PRKCE: variants seen among roughly 807,000 people sequenced by gnomAD.
The protein encoded by PRKCE is protein kinase C epsilon type.
A neutral mutation model predicts 85.4 loss-of-function variants in PRKCE; 16 were observed. The observed-to-expected ratio is 0.19, with a 90% confidence interval of 0.13 to 0.28. The LOEUF is 0.28. Among genes scored for constraint, PRKCE ranks in the 10% least tolerant of loss-of-function variants. PRKCE has a pLI of 1.00. For missense variants in PRKCE, 573 were observed against 975.2 expected (o/e 0.59, Z 5.49); for synonymous variants, 388 against 371.5 (o/e 1.04, Z -0.51).
chr2:45,887,250 C>T (rs1046570459), intron 2 of PRKCE, among the ~76,000 whole-genome samples: 4 of 152,236 alleles, frequency 2.6e-5, no homozygotes, highest in Admixed American at 2.0e-4. Context: ...CACAGTCAAC[C>T]GTGCAGAAGG....
chr2:45,994,846 T>C (rs1704092487), intron 6 of PRKCE, among the ~76,000 whole-genome samples: 1 of 152,220 alleles, frequency 6.6e-6, no homozygotes, highest in South Asian at 2.1e-4. Context: ...TATTTAGTTT[T>C]GTAAGAAACT....
intron 10 of PRKCE, among the ~76,000 whole-genome samples, chr2:46,054,414 C>A (rs949150408): frequency 2.0e-5 from 3 of 152,196 alleles, no homozygotes; most frequent in Non-Finnish European, 4.4e-5. Context: ...GGTCTCTTGA[C>A]ACCTCTACTA....
chr2:45,737,294 T>C (rs1682153348), intron 1 of PRKCE, among the ~76,000 whole-genome samples: 1 of 152,204 alleles, frequency 6.6e-6, no homozygotes, highest in Non-Finnish European at 1.5e-5. Context: ...TCTCATCTTC[T>C]GGATAAATCA....
intron 1 of PRKCE, among the ~76,000 whole-genome samples, chr2:45,787,396 A>G (rs1686693774): frequency 6.6e-6 from 1 of 152,204 alleles, no homozygotes; most frequent in South Asian, 2.1e-4. Context: ...TCTGAGCTGA[A>G]TAGCAGCTGA....
At chr2:46,022,433 C>T (rs141989838) in intron 10 of PRKCE, among the ~76,000 whole-genome samples, 107 of 152,186 alleles carry the variant, frequency 7.0e-4, no homozygotes, top group Middle Eastern at 6.8e-3. Context: ...AGTGAACAGT[C>T]CTTCTGTTTA....
chr2:45,880,293 A>T (rs1694784594), intron 2 of PRKCE, among the ~76,000 whole-genome samples: 1 of 152,180 alleles, frequency 6.6e-6, no homozygotes. Flanking sequence ...TTGATTCCAT[A>T]TCTTGGCCAT....
rs142348814 is a variant in PRKCE, at chr2:45,930,478, G to A, written c.413-45951G>A. On this transcript the variant is annotated intron_variant, in intron 2 of 14. Transcript: ENST00000306156. ...TGTCTCCAGAATCTGGCCCTCTCCAGTCACCACTGTGCCTCCCACTGGTGG... is the reference window on the plus strand; with the variant it reads ...TGTCTCCAGAATCTGGCCCTCTCCAATCACCACTGTGCCTCCCACTGGTGG... Among the ~76,000 whole-genome samples the A allele has an allele frequency of 3.7e-3, 563 of 152,304 alleles. 4 individuals are homozygous for A. The highest frequency in any genetic ancestry group is 0.012 in the African/African-American group (492 of 41,558).
intron 1 of PRKCE, among the ~76,000 whole-genome samples, chr2:45,714,434 C>G (rs895069150): frequency 2.6e-5 from 4 of 152,234 alleles, no homozygotes; most frequent in African/African-American, 9.6e-5. Flanking sequence ...ACTGCACTTG[C>G]AGAGGCCATG....
intron 1 of PRKCE, among the ~76,000 whole-genome samples, chr2:45,695,952 T>C (rs1443487290): frequency 2.6e-5 from 4 of 152,176 alleles, no homozygotes; most frequent in African/African-American, 9.6e-5. Flanking sequence ...ATTTTATTAT[T>C]ATTATACTTT....
At chr2:45,772,704 T>C (rs1685437368) in intron 1 of PRKCE, among the ~76,000 whole-genome samples, 1 of 152,088 alleles carries the variant, frequency 6.6e-6, no homozygotes, top group South Asian at 2.1e-4. Context: ...ATCTGCCACA[T>C]GCTCAGCACC....
chr2:46,157,120 C>T (rs2104564672), intron 13 of PRKCE, among the ~76,000 whole-genome samples: 1 of 152,352 alleles, frequency 6.6e-6, no homozygotes, highest in South Asian at 2.1e-4. Context: ...CTCTGAATCA[C>T]TGCAGAGGAC....
At chr2:46,056,580 G>A (rs1332117029) in intron 10 of PRKCE, among the ~76,000 whole-genome samples, 1 of 152,188 alleles carries the variant, frequency 6.6e-6, no homozygotes, top group Non-Finnish European at 1.5e-5. Context: ...GAATTAAGAT[G>A]TTTCCAGAAT....
At chr2:45,761,759 A>T (rs1369793632) in intron 1 of PRKCE, among the ~76,000 whole-genome samples, 1 of 151,834 alleles carries the variant, frequency 6.6e-6, no homozygotes, top group South Asian at 2.1e-4. Context: ...GCACTTCCCT[A>T]TCTGATTTCA....
rs1685583303 is a variant in PRKCE at position 45,774,344 on chromosome 2, G to C, written c.349-68656G>C. On this transcript the variant is annotated intron_variant, in intron 1 of 14. Coordinates refer to ENST00000306156, the MANE Select transcript of PRKCE (RefSeq NM_005400.3). The surrounding 1 kb of genome is among the most constrained non-coding windows in gnomAD (Gnocchi z 4.3). Reference sequence around the variant, plus strand: ...CTTCTGTAGCTCCCAGCCTTCCACTGTGGAAGTGCTCACTAAATAGGTGTT... The same window carrying C: ...CTTCTGTAGCTCCCAGCCTTCCACTCTGGAAGTGCTCACTAAATAGGTGTT... Among the ~76,000 whole-genome samples the C allele has an allele frequency of 6.6e-6, 1 of 152,216 alleles. No individual in the cohort carries two copies. Among genetic ancestry groups the C allele is most frequent in the Admixed American group, 6.5e-5 (1 of 15,288 alleles).
chr2:45,656,760 T>A (rs2103706636), intron 1 of PRKCE, among the ~76,000 whole-genome samples: 1 of 152,378 alleles, frequency 6.6e-6, no homozygotes, highest in South Asian at 2.1e-4. Context: ...TCCCAGAGAT[T>A]CTGACCAGAC....
chr2:45,925,558 A>G (rs1258399223), intron 2 of PRKCE, among the ~76,000 whole-genome samples: 1 of 152,114 alleles, frequency 6.6e-6, no homozygotes, highest in African/African-American at 2.4e-5. Flanking sequence ...GGCCTCCCAA[A>G]GTGCTAGGAT....
At chr2:46,023,758 C>T (rs919014291) in intron 10 of PRKCE, among the ~76,000 whole-genome samples, 2 of 152,074 alleles carry the variant, frequency 1.3e-5, no homozygotes, top group Non-Finnish European at 1.5e-5. Flanking sequence ...CAGAACTGTG[C>T]CCCCCACTGC....
chr2:45,838,768 A>T (rs1691107582), intron 1 of PRKCE, among the ~76,000 whole-genome samples: 4 of 152,082 alleles, frequency 2.6e-5, no homozygotes, highest in Non-Finnish European at 2.9e-5. Context: ...GCCTGCCACC[A>T]CACCTGACCT....
At chr2:45,772,573 T>C (rs1409245448) in intron 1 of PRKCE, among the ~76,000 whole-genome samples, 2 of 152,220 alleles carry the variant, frequency 1.3e-5, no homozygotes, top group Non-Finnish European at 2.9e-5. Context: ...CTAGGCTCTT[T>C]GGGGACCCTT....
Sources: allele counts gnomAD v4.1 joint callset (sites outside exome capture counted in the v4.1 genomes callset), GRCh38; gene constraint gnomAD v4.1.1; non-coding constraint Gnocchi (gnomAD v3.1); transcripts MANE v1.5; gene names NCBI Gene and HGNC (gene_info 2026-07-23, HGNC 2026-07-21).